MAP2K6: variants seen among roughly 807,000 people sequenced by gnomAD.
MAP2K6 encodes the protein mitogen-activated protein kinase kinase 6, also known as dual specificity mitogen-activated protein kinase kinase 6.
MAP2K6 carries 16 observed loss-of-function variants against 53.7 expected under a neutral mutation model. The observed-to-expected ratio is 0.30, with a 90% CI of 0.20 to 0.45. MAP2K6 has a LOEUF of 0.45. Among genes scored for constraint, MAP2K6 ranks in the 20% least tolerant of loss-of-function variants. The pLI, the probability that MAP2K6 is intolerant of heterozygous loss-of-function variation, is 1.00. For missense variants in MAP2K6, 204 were observed against 411.9 expected (o/e 0.50, Z 4.37); for synonymous variants, 132 against 143.1 (o/e 0.92, Z 0.55).
intron 1 of MAP2K6, among the ~76,000 whole-genome samples, chr17:69,495,554 C>T (rs780994579): frequency 1.5e-4 from 23 of 152,116 alleles, no homozygotes; most frequent in Non-Finnish European, 3.1e-4. Flanking sequence ...AAATTTCAAA[C>T]ATATTCAAAA....
intron 1 of MAP2K6, among the ~76,000 whole-genome samples, chr17:69,463,778 G>A (rs1907709204): frequency 6.6e-6 from 1 of 151,944 alleles, no homozygotes; most frequent in African/African-American, 2.4e-5. Context: ...AACAATTTGG[G>A]AGGCCGAGGT....
chr17:69,517,253 C>T (rs891170549), intron 3 of MAP2K6, among the ~76,000 whole-genome samples: 105 of 151,918 alleles, frequency 6.9e-4, no homozygotes, highest in African/African-American at 2.4e-3. Context: ...GAGACATTGG[C>T]AAGCTGAGTC....
intron 1 of MAP2K6, among the ~76,000 whole-genome samples, chr17:69,462,865 C>A (rs576338214): frequency 6.6e-6 from 1 of 151,352 alleles, no homozygotes; most frequent in Admixed American, 6.6e-5. Flanking sequence ...GAGGCTGAGG[C>A]GGGCGGAAAA....
chr17:69,533,638 T>C (rs1911200924), intron 10 of MAP2K6, among the ~76,000 whole-genome samples: 1 of 152,188 alleles, frequency 6.6e-6, no homozygotes. Flanking sequence ...TTTTGTTATT[T>C]ACTTAGCGTG....
chr17:69,427,510 G>T (rs1056697119), intron 1 of MAP2K6, among the ~76,000 whole-genome samples: 1 of 151,930 alleles, frequency 6.6e-6, no homozygotes, highest in African/African-American at 2.4e-5. Context: ...TTATTATTTT[G>T]GTTTCAAAAA....
chr17:69,453,368 A>G (rs549294555), intron 1 of MAP2K6, among the ~76,000 whole-genome samples: 2 of 152,318 alleles, frequency 1.3e-5, no homozygotes, highest in South Asian at 4.1e-4. Context: ...ATAAAACTTT[A>G]TTTACCAAAA....
At chr17:69,500,634 T>C (rs892210475) in intron 1 of MAP2K6, among the ~76,000 whole-genome samples, 7 of 151,034 alleles carry the variant, frequency 4.6e-5, no homozygotes, top group Non-Finnish European at 7.4e-5. Flanking sequence ...CGGGCACCTG[T>C]AATCCCAGCT....
At chr17:69,476,197 G>C (rs540698607) in intron 1 of MAP2K6, among the ~76,000 whole-genome samples, 6 of 152,014 alleles carry the variant, frequency 3.9e-5, no homozygotes, top group Middle Eastern at 3.4e-3. Flanking sequence ...GTATACATAC[G>C]GTCATATATT....
intron 2 of MAP2K6, among the ~76,000 whole-genome samples, chr17:69,509,649 G>A (rs1444115284): frequency 1.3e-5 from 2 of 152,060 alleles, no homozygotes; most frequent in Admixed American, 1.3e-4. Context: ...TGGCAAGAAT[G>A]TCCAGTCCTA....
intron 10 of MAP2K6, among the ~76,000 whole-genome samples, chr17:69,532,773 G>A (rs889913549): frequency 6.6e-6 from 1 of 152,100 alleles, no homozygotes; most frequent in Non-Finnish European, 1.5e-5. Flanking sequence ...GTAGTGTTTG[G>A]GGTAGATTGT....
At chr17:69,463,476 A>G (rs1005188191) in intron 1 of MAP2K6, among the ~76,000 whole-genome samples, 1 of 149,974 alleles carries the variant, frequency 6.7e-6, no homozygotes, top group Non-Finnish European at 1.5e-5. Flanking sequence ...GTGTATATAT[A>G]TACACACATA....
intron 1 of MAP2K6, among the ~76,000 whole-genome samples, chr17:69,457,433 A>T (rs1160010165): frequency 6.6e-6 from 1 of 152,196 alleles, no homozygotes; most frequent in Non-Finnish European, 1.5e-5. Flanking sequence ...TGGAATTTTC[A>T]TAGGGGATCC....
intron 2 of MAP2K6, among the ~76,000 whole-genome samples, chr17:69,507,147 A>C (rs112757076): frequency 1.6e-4 from 25 of 152,306 alleles, no homozygotes; most frequent in African/African-American, 5.8e-4. Context: ...AAATAATTGT[A>C]GATTAACAGG....
chr17:69,468,640 C>T (rs138084645), intron 1 of MAP2K6, among the ~76,000 whole-genome samples: 4 of 152,004 alleles, frequency 2.6e-5, no homozygotes, highest in African/African-American at 7.3e-5. Flanking sequence ...CGAAAAGGTG[C>T]GAAGAAACTA....
intron 1 of MAP2K6, among the ~76,000 whole-genome samples, chr17:69,503,598 ATATAC>A (rs1258821312): frequency 2.0e-5 from 3 of 152,170 alleles, no homozygotes; most frequent in African/African-American, 7.2e-5. Context: ...TTTCCTGGCT[ATATAC>A]AACTTGGCAG....
At chr17:69,492,195 C>G (rs1047411618) in intron 1 of MAP2K6, among the ~76,000 whole-genome samples, 1 of 152,108 alleles carries the variant, frequency 6.6e-6, no homozygotes, top group East Asian at 1.9e-4. Flanking sequence ...ATTGCAGTTG[C>G]TTTTGGCATC....
At chr17:69,506,982 C>G (rs1909533161) in intron 2 of MAP2K6, among the ~76,000 whole-genome samples, 1 of 149,514 alleles carries the variant, frequency 6.7e-6, no homozygotes, top group Non-Finnish European at 1.5e-5. Context: ...TTCGGTCTCT[C>G]TGAGCAATTT....
chr17:69,541,217 C>G (rs531711132), intron 11 of MAP2K6, among the ~76,000 whole-genome samples: 2 of 152,078 alleles, frequency 1.3e-5, no homozygotes, highest in Non-Finnish European at 2.9e-5. Flanking sequence ...GAGCCAAGAT[C>G]GCACCACTGC....
chr17:69,440,934 C>T (rs1452366791), intron 1 of MAP2K6, among the ~76,000 whole-genome samples: 1 of 152,070 alleles, frequency 6.6e-6, no homozygotes, highest in African/African-American at 2.4e-5. Flanking sequence ...TGAGTTTAAA[C>T]TATTTGGAGT....
Sources: gnomAD v4.1 joint callset for allele counts (sites outside exome capture counted in the v4.1 genomes callset) on GRCh38, gnomAD v4.1.1 for gene constraint, MANE v1.5 for transcripts, NCBI Gene and HGNC (gene_info 2026-07-23, HGNC 2026-07-21) for gene names.